The following TM6SF1 variants were observed in gnomAD, a reference collection of about 807,000 sequenced individuals.
The protein encoded by TM6SF1 is transmembrane 6 superfamily member 1.
TM6SF1 carries 43 observed loss-of-function variants against 47.1 expected under a neutral mutation model. The observed-to-expected ratio is 0.91, with a 90% CI of 0.72 to 1.18. TM6SF1 has a LOEUF of 1.18. Among genes scored for constraint, TM6SF1 ranks in the 50% most tolerant of loss-of-function variants. The pLI is 0.00. For synonymous variants in TM6SF1, 177 were observed against 166.3 expected (o/e 1.06, Z -0.49); for missense variants, 390 against 449.0 (o/e 0.87, Z 1.19).
At chr15:83,125,825 G>A (rs1476391382) in intron 7 of TM6SF1, among the ~76,000 whole-genome samples, 1 of 152,166 alleles carries the variant, frequency 6.6e-6, no homozygotes, top group East Asian at 1.9e-4. Context: ...AGGGTGAGAA[G>A]CTGTTTTAAG....
chr15:83,133,124 G>A (rs1212162045), intron 9 of TM6SF1: 1 of 152,196 alleles, frequency 6.6e-6, no homozygotes, highest in Non-Finnish European at 1.5e-5. Context: ...GAGGCCATAC[G>A]GCTGGTTTGT....
chr15:83,107,782 C>G lies in TM6SF1; in HGVS notation c.92+10C>G. Reference sequence around the variant, plus strand: ...TGGCGGCCCAGCATGAGTGAGTGAGCCGGCGCGGCGGGGGTCGCGCCGAGG... The same window carrying G: ...TGGCGGCCCAGCATGAGTGAGTGAGGCGGCGCGGCGGGGGTCGCGCCGAGG... On this transcript the variant is annotated intron_variant, in intron 1 of 9. Transcript: ENST00000322019. This position sits in a 1 kb window ranked among gnomAD's most constrained non-coding sequence, Gnocchi z 5.6. 6.4e-7 allele frequency: 1 copy of G among 1,574,198 alleles called. No homozygotes were observed. Among genetic ancestry groups the G allele is most frequent in the East Asian group, 2.5e-5 (1 of 40,532 alleles).
At chr15:83,116,079 G>A in intron 3 of TM6SF1, 137 bp downstream of exon 3, 1 of 668,458 alleles carries the variant, frequency 1.5e-6, no homozygotes, top group South Asian at 1.9e-5. Flanking sequence ...ATAGCCTTAG[G>A]TCGCTTAGTC....
intron 8 of TM6SF1, 72 bp from the exon 9 acceptor site, chr15:83,127,285 CT>C: frequency 7.1e-7 from 1 of 1,410,010 alleles, no homozygotes. Flanking sequence ...AAAATGTTTA[CT>C]TTTTTGTACT....
rs2036637078 is a variant in TM6SF1 at position 83,136,688 on chromosome 15, TTCC to T, written c.*21_*23del. The stretch of plus-strand genomic sequence containing the variant: ...AGTGGAATAAAAATATTACTTCATG[TTCC>T]TCCTTTCTAAATTACTAACTTTTGT... On this transcript the variant is annotated 3_prime_UTR_variant, in exon 10 of 10. Coordinates refer to ENST00000322019, the MANE Select transcript of TM6SF1 (RefSeq NM_023003.5). 1 of 1,578,536 alleles carries T rather than the reference TTCC, an allele frequency of 6.3e-7. No individual in the cohort carries two copies. The highest frequency in any genetic ancestry group is 1.4e-5 in the African/African-American group (1 of 72,874).
chr15:83,126,670 C>T (rs958068264), intron 7 of TM6SF1, 85 bp from the exon 8 acceptor site: 1 of 1,077,438 alleles, frequency 9.3e-7, no homozygotes, highest in Admixed American at 2.1e-5. Flanking sequence ...CAGCTTGTGA[C>T]TAAACCTGGC....
At chr15:83,125,534 G>T (rs576940569) in intron 7 of TM6SF1, among the ~76,000 whole-genome samples, 1 of 152,218 alleles carries the variant, frequency 6.6e-6, no homozygotes, top group Non-Finnish European at 1.5e-5. Flanking sequence ...TCAAACACTT[G>T]GTAGAGGCTC....
intron 7 of TM6SF1, among the ~76,000 whole-genome samples, chr15:83,126,013 A>G (rs989926055): frequency 2.0e-5 from 3 of 152,234 alleles, no homozygotes; most frequent in African/African-American, 7.2e-5. Context: ...ACAACAAAAA[A>G]TAGTGGGCCC....
chr15:83,115,984 C>A (rs938971160), intron 3 of TM6SF1, 42 bp downstream of exon 3: 1 of 1,445,894 alleles, frequency 6.9e-7, no homozygotes, highest in Non-Finnish European at 9.7e-7. Context: ...AACCAAAAGG[C>A]CACAACCCAG....
chr15:83,131,720 C>A (rs1401654409), intron 9 of TM6SF1: 1 of 152,146 alleles, frequency 6.6e-6, no homozygotes, highest in African/African-American at 2.4e-5. Context: ...CTTCAGAAAT[C>A]AAAAGATCAA....
intron 9 of TM6SF1, chr15:83,128,351 A>G (rs1878772528): frequency 6.6e-6 from 1 of 152,214 alleles, no homozygotes; most frequent in South Asian, 2.1e-4. Context: ...TCTTAATTAT[A>G]AAATTAGCAT....
intron 9 of TM6SF1, 180 bp from the exon 10 acceptor site, chr15:83,136,301 C>T (rs1418780163): frequency 8.8e-6 from 4 of 455,016 alleles, no homozygotes; most frequent in Non-Finnish European, 1.5e-5. Context: ...TAATCAAGGA[C>T]TAAATTTAAT....
At position 83,136,720 on chromosome 15, in the gene TM6SF1, A is replaced by G. The variant is rs754705327; in HGVS notation, c.*48A>G. 1.4e-6 allele frequency: 2 copies of G among 1,477,888 alleles called. No homozygotes were observed. Among genetic ancestry groups the G allele is most frequent in the African/African-American group, 2.8e-5 (2 of 70,824 alleles). The allele number at this position is 1,477,888 out of a possible 1,614,324, so 91.5% of individuals were successfully genotyped here. ...TTTCTAAATTACTAACTTTTGTTAT[A>G]CTGGTACTGATATTTTGTCCCATTT... is the stretch of plus-strand genomic sequence containing the variant. On this transcript the variant is annotated 3_prime_UTR_variant, in exon 10 of 10. Coordinates refer to ENST00000322019, the MANE Select transcript of TM6SF1 (RefSeq NM_023003.5).
chr15:83,126,273 A>G (rs1313375867), intron 7 of TM6SF1, among the ~76,000 whole-genome samples: 2 of 152,190 alleles, frequency 1.3e-5, no homozygotes, highest in East Asian at 3.8e-4. Context: ...ACTTTCCAGC[A>G]AGAGGACCCT....
intron 9 of TM6SF1, chr15:83,132,408 G>A (rs987088726): frequency 2.0e-5 from 3 of 152,224 alleles, no homozygotes; most frequent in African/African-American, 7.2e-5. Context: ...CACAGCCAGC[G>A]AAGGAGGTTC....
chr15:83,117,908 G>A (rs1044180639), intron 3 of TM6SF1, among the ~76,000 whole-genome samples: 2 of 152,248 alleles, frequency 1.3e-5, no homozygotes. Flanking sequence ...GAGGGACACT[G>A]AGGGCTAGAC....
intron 3 of TM6SF1, among the ~76,000 whole-genome samples, chr15:83,117,910 G>A (rs780952430): frequency 2.6e-5 from 4 of 152,104 alleles, no homozygotes; most frequent in Non-Finnish European, 5.9e-5. Context: ...GGGACACTGA[G>A]GGCTAGACCT....
At chr15:83,135,522 C>G (rs1236623316) in intron 9 of TM6SF1, 1 of 152,116 alleles carries the variant, frequency 6.6e-6, no homozygotes, top group Non-Finnish European at 1.5e-5. Flanking sequence ...AATGCAGACT[C>G]CAGGGGTACA....
At chr15:83,122,117 A>C (rs2035312783) in intron 5 of TM6SF1, 114 bp downstream of exon 5, 2 of 876,512 alleles carry the variant, frequency 2.3e-6, no homozygotes, top group Non-Finnish European at 3.6e-6. Flanking sequence ...GCTTACTAAA[A>C]ACCTGTTTTG....
Sources: allele counts gnomAD v4.1 joint callset (sites outside exome capture counted in the v4.1 genomes callset), GRCh38; gene constraint gnomAD v4.1.1; non-coding constraint Gnocchi (gnomAD v3.1); transcripts MANE v1.5; gene names NCBI Gene and HGNC (gene_info 2026-07-23, HGNC 2026-07-21).